The following XKR9 variants were observed in gnomAD, a reference collection of about 807,000 sequenced individuals.
The protein encoded by XKR9 is XK-related protein 9.
In XKR9, 32 loss-of-function variants were observed where a neutral mutation model predicts 32.0. The ratio of observed to expected loss-of-function variants is 1.00; its 90% CI spans 0.76 to 1.34. The LOEUF is 1.34. Ranked by LOEUF, XKR9 falls within the 40% of genes most tolerant of loss-of-function variation. XKR9 has a pLI of 0.00. For synonymous variants in XKR9, 168 were observed against 143.4 expected, an observed-to-expected ratio of 1.17 and a Z score of -1.22; for missense variants, 546 against 429.7, an observed-to-expected ratio of 1.27 and a Z score of -2.39.
chr8:70,777,260 T>C (rs1392938537), intron 2 of XKR9, among the ~76,000 whole-genome samples: 1 of 152,048 alleles, frequency 6.6e-6, no homozygotes, highest in African/African-American at 2.4e-5. Context: ...TCCAGCTTCA[T>C]CCATGTCCCT....
chr8:70,866,271 AC>A, the XKR9 span, among the ~76,000 whole-genome samples: 2 of 152,176 alleles, frequency 1.3e-5, no homozygotes, highest in African/African-American at 4.8e-5. Flanking sequence ...TGCTGTTGGA[AC>A]CCAATGTGTT....
chr8:70,755,958 A>G (rs1206296931), intron 2 of XKR9, among the ~76,000 whole-genome samples: 1 of 152,182 alleles, frequency 6.6e-6, no homozygotes, highest in Non-Finnish European at 1.5e-5. Flanking sequence ...AAAAGGTCAT[A>G]AAGATTTGCT....
intron 2 of XKR9, among the ~76,000 whole-genome samples, chr8:70,742,324 G>T (rs1043240204): frequency 4.1e-4 from 62 of 152,298 alleles, no homozygotes; most frequent in African/African-American, 1.5e-3. Context: ...CATGATTCTT[G>T]TATAATTACA....
the XKR9 span, among the ~76,000 whole-genome samples, chr8:70,948,777 T>C: frequency 1.3e-4 from 20 of 152,216 alleles, no homozygotes; most frequent in African/African-American, 4.3e-4. Context: ...GGGTAATTAA[T>C]AGCACATTTG....
intron 2 of XKR9, among the ~76,000 whole-genome samples, chr8:70,780,391 T>C (rs1431583693): frequency 6.6e-6 from 1 of 152,162 alleles, no homozygotes; most frequent in African/African-American, 2.4e-5. Flanking sequence ...TTCAAAACGT[T>C]GTTTTAGGTG....
chr8:70,806,102 G>A, the XKR9 span, among the ~76,000 whole-genome samples: 1 of 152,292 alleles, frequency 6.6e-6, no homozygotes, highest in Non-Finnish European at 1.5e-5. Context: ...GACATCTCCA[G>A]GTGCGGGAGT....
At chr8:70,753,934 G>A (rs1807180126) in intron 2 of XKR9, among the ~76,000 whole-genome samples, 1 of 137,500 alleles carries the variant, frequency 7.3e-6, no homozygotes, top group South Asian at 2.3e-4. Context: ...GGCAGGAGAA[G>A]GAAATAAAGG....
the XKR9 span, among the ~76,000 whole-genome samples, chr8:71,060,679 C>T: frequency 2.0e-5 from 3 of 152,102 alleles, no homozygotes. Context: ...CACAACCCTT[C>T]AAATGGCATG....
chr8:70,927,362 C>T, the XKR9 span, among the ~76,000 whole-genome samples: 1 of 151,996 alleles, frequency 6.6e-6, no homozygotes, highest in Non-Finnish European at 1.5e-5. Flanking sequence ...CAGTGGGTGG[C>T]GTCTCCTTTC....
At chr8:70,763,456 C>T (rs1279324743) in intron 2 of XKR9, among the ~76,000 whole-genome samples, 1 of 152,114 alleles carries the variant, frequency 6.6e-6, no homozygotes, top group Non-Finnish European at 1.5e-5. Context: ...AGGTAAGAAT[C>T]CCCCTGTGGA....
chr8:70,890,080 A>G, the XKR9 span, among the ~76,000 whole-genome samples: 1 of 151,982 alleles, frequency 6.6e-6, no homozygotes, highest in Non-Finnish European at 1.5e-5. Context: ...CCTCACCAGT[A>G]TCTGTTGTTT....
intron 3 of XKR9, among the ~76,000 whole-genome samples, chr8:70,690,202 T>G (rs750291746): frequency 6.6e-6 from 1 of 152,174 alleles, no homozygotes; most frequent in Non-Finnish European, 1.5e-5. Flanking sequence ...ATTACATCAC[T>G]CAGGTATTAA....
the XKR9 span, among the ~76,000 whole-genome samples, chr8:70,965,696 C>T: frequency 6.6e-6 from 1 of 152,110 alleles, no homozygotes; most frequent in Admixed American, 6.6e-5. Flanking sequence ...TGTATGTGTC[C>T]AGGAATTTAT....
rs12545422 is a variant in XKR9, at chr8:70,778,915, T to G, written n.353-10424T>G. 8.1e-3 allele frequency among the ~76,000 whole-genome samples: 1,228 copies of G among 152,056 alleles called. 41 individuals are homozygous for G. Among genetic ancestry groups the G allele is most frequent in the Admixed American group, 0.066 (1,009 of 15,264 alleles). On this transcript the variant is annotated intron_variant and non_coding_transcript_variant, in intron 2 of 3. Transcript: ENST00000520273. ...GCAAACAGAGACAATTTGACTTCCT[T>G]TTTTCCTAATGGAATACCCTTTATT...
chr8:70,854,429 G>A, the XKR9 span, among the ~76,000 whole-genome samples: 1 of 152,138 alleles, frequency 6.6e-6, no homozygotes, highest in Non-Finnish European at 1.5e-5. Context: ...TTAGCCCTTT[G>A]TCAGATGAGT....
chr8:70,914,824 A>G, the XKR9 span, among the ~76,000 whole-genome samples: 1 of 152,244 alleles, frequency 6.6e-6, no homozygotes, highest in African/African-American at 2.4e-5. Flanking sequence ...TAGATTTTCT[A>G]AAACTATGTA....
At chr8:70,820,637 G>C in the XKR9 span, among the ~76,000 whole-genome samples, 1 of 152,266 alleles carries the variant, frequency 6.6e-6, no homozygotes, top group East Asian at 1.9e-4. Flanking sequence ...CATGGCTGGG[G>C]AGGCCTTAGG....
chr8:70,697,394 G>A (rs1240354096), intron 3 of XKR9, among the ~76,000 whole-genome samples: 10 of 151,522 alleles, frequency 6.6e-5, no homozygotes, highest in Non-Finnish European at 3.0e-5. Context: ...TTAGCATGAA[G>A]CGTTGTTGAA....
chr8:70,701,751 T>C (rs767731095), intron 3 of XKR9, among the ~76,000 whole-genome samples: 5 of 152,184 alleles, frequency 3.3e-5, no homozygotes, highest in Admixed American at 1.3e-4. Flanking sequence ...GGAATATCAA[T>C]ATGAATTATT....
Sources: gnomAD v4.1 joint callset for allele counts (sites outside exome capture counted in the v4.1 genomes callset) on GRCh38, gnomAD v4.1.1 for gene constraint, MANE v1.5 for transcripts, NCBI Gene and HGNC (gene_info 2026-07-23, HGNC 2026-07-21) for gene names.